Variants in CYP39A1 observed in about 807,000 individuals in gnomAD.
CYP39A1 encodes 24-hydroxycholesterol 7-alpha-hydroxylase.
In CYP39A1, 49 loss-of-function variants were observed where a neutral mutation model predicts 58.1. That is an observed-to-expected ratio of 0.84 (90% CI 0.67 to 1.07). The LOEUF is 1.07. Among genes scored for constraint, CYP39A1 ranks in the 50% least tolerant of loss-of-function variants. The probability of loss-of-function intolerance (pLI) is 0.00; values close to 1 mark genes in which losing one functional copy is unlikely to be tolerated. For synonymous variants in CYP39A1, 209 were observed against 187.6 expected, an observed-to-expected ratio of 1.11 and a Z score of -0.93; for missense variants, 531 against 539.4, an observed-to-expected ratio of 0.98 and a Z score of 0.16.
chr6:46,652,346 G>A (rs1762749575), intron 1 of CYP39A1, 60 bp downstream of exon 1: 2 of 1,503,434 alleles, frequency 1.3e-6, no homozygotes, highest in Admixed American at 2.1e-5. Context: ...GTCAATGAAA[G>A]AAAGTTTAAA....
chr6:46,592,547 T>C (rs1258356426), intron 8 of CYP39A1, among the ~76,000 whole-genome samples: 2 of 152,154 alleles, frequency 1.3e-5, no homozygotes, highest in African/African-American at 2.4e-5. Flanking sequence ...AAGTGAAAAA[T>C]TGGAAGCCAC....
chr6:46,638,394 C>T (rs6941445), intron 3 of CYP39A1, among the ~76,000 whole-genome samples: 4,858 of 152,170 alleles, frequency 0.032, 235 homozygotes, highest in African/African-American at 0.11. Context: ...TCACCAAATT[C>T]CCTAATTTCT....
chr6:46,638,975 G>C (rs1776163016), intron 3 of CYP39A1, among the ~76,000 whole-genome samples: 1 of 152,152 alleles, frequency 6.6e-6, no homozygotes, highest in Non-Finnish European at 1.5e-5. Context: ...CCTTAATAGA[G>C]GACCCTGGGG....
chr6:46,563,984 ATGTAGTGAGTAAGATGG>A (rs1771116885), intron 10 of CYP39A1, among the ~76,000 whole-genome samples: 2 of 152,118 alleles, frequency 1.3e-5, no homozygotes, highest in African/African-American at 4.8e-5. Context: ...ACTCATCTGT[ATGTAGTGAGTAAGATGG>A]ATTGAAATAA....
chr6:46,650,372 G>A (rs1247614434), intron 1 of CYP39A1, among the ~76,000 whole-genome samples: 2 of 86,132 alleles, frequency 2.3e-5, no homozygotes, highest in South Asian at 5.0e-4. Flanking sequence ...CCAAAGGTGG[G>A]AGCACTCTGG....
In CYP39A1 at chr6:46,553,851, C is replaced by A; in HGVS notation, c.1254G>T (p.Trp418Cys). The change falls in exon 11 of 12, where the codon TGG (tryptophan) becomes TGT (cysteine). Residue 418 changes from tryptophan (W) to cysteine (C), a missense_variant. Transcript: ENST00000275016. Reference protein sequence around the residue: ...GSGKFQCPARWFALLEVQMCI... With the variant: ...GSGKFQCPARCFALLEVQMCI... ...ACATCTGAACCTCTAACAGAGCAAA[C>A]CACCTGGAAGAAACGAATAAAATTG... The A allele has an allele frequency of 1.3e-6, 2 of 1,589,108 alleles. No homozygotes were observed. The highest frequency in any genetic ancestry group is 1.1e-5 in the South Asian group (1 of 87,394).
At chr6:46,569,378 A>C (rs1197044475) in intron 10 of CYP39A1, among the ~76,000 whole-genome samples, 1 of 151,908 alleles carries the variant, frequency 6.6e-6, no homozygotes, top group Non-Finnish European at 1.5e-5. Context: ...TTTTTTGCCT[A>C]ATTGCTCTGG....
chr6:46,583,286 T>A, intron 10 of CYP39A1: 1 of 985,350 alleles, frequency 1.0e-6, no homozygotes, highest in Non-Finnish European at 1.2e-6. Flanking sequence ...ATTTGCACAA[T>A]GACACAGCAA....
rs1326215960 is a variant in CYP39A1 at position 46,622,770 on chromosome 6, A to G, written c.931+2648T>C. 2.0e-5 allele frequency among the ~76,000 whole-genome samples: 3 copies of G among 152,310 alleles called. No individual in the cohort carries two copies. In the East Asian group the frequency reaches 5.8e-4, roughly 29 times the overall value. The stretch of plus-strand genomic sequence containing the variant: ...ATTAGTTAGAGGAAGTAGAATAATG[A>G]AAAGCACCACCCAAAATAATTGGGG... On this transcript the variant is annotated intron_variant, in intron 7 of 11. Coordinates refer to ENST00000275016, the MANE Select transcript of CYP39A1 (RefSeq NM_016593.5).
At chr6:46,641,567 G>A (rs1403125610) in intron 2 of CYP39A1, among the ~76,000 whole-genome samples, 2 of 152,114 alleles carry the variant, frequency 1.3e-5, no homozygotes, top group African/African-American at 4.8e-5. Context: ...GCGTTCCAGG[G>A]AGGACACATG....
intron 7 of CYP39A1, among the ~76,000 whole-genome samples, chr6:46,614,675 T>C (rs1774423682): frequency 6.6e-6 from 1 of 152,128 alleles, no homozygotes. Flanking sequence ...ATCATTACAC[T>C]TTCTATATTT....
chr6:46,625,667 T>G (rs1248080058), intron 6 of CYP39A1, among the ~76,000 whole-genome samples, 159 bp from the exon 7 acceptor site: 1 of 152,028 alleles, frequency 6.6e-6, no homozygotes, highest in Non-Finnish European at 1.5e-5. Flanking sequence ...AACTAGATAT[T>G]ATTAATAAGA....
chr6:46,557,933 C>CAAAAAAAAA (rs1186594398), intron 10 of CYP39A1, among the ~76,000 whole-genome samples: 283 of 36,956 alleles, frequency 7.7e-3, no homozygotes, highest in African/African-American at 0.019. Flanking sequence ...GACTCCATCT[C>CAAAAAAAAA]AAAAAAAAAA....
At position 46,616,906 on chromosome 6, in the gene CYP39A1, G is replaced by A. The variant is rs563095869; in HGVS notation, c.931+8512C>T. ...AATACCACAATCTGACAGAGAGAGAGAAAAGAGCCAGTGGAGAAAGAGAAG... is the reference window on the plus strand; with the variant it reads ...AATACCACAATCTGACAGAGAGAGAAAAAAGAGCCAGTGGAGAAAGAGAAG... On this transcript the variant is annotated intron_variant, in intron 7 of 11. Transcript: ENST00000275016. Among the ~76,000 whole-genome samples the A allele has an allele frequency of 9.2e-5, 14 of 152,214 alleles. No individual in the cohort carries two copies. The East Asian group carries it at 2.5e-3, about 27-fold the overall frequency.
At chr6:46,564,804 A>G (rs1472209956) in intron 10 of CYP39A1, among the ~76,000 whole-genome samples, 1 of 152,166 alleles carries the variant, frequency 6.6e-6, no homozygotes, top group Non-Finnish European at 1.5e-5. Flanking sequence ...TCTGAAGTAT[A>G]TTCCTAGTTG....
At chr6:46,582,858 G>C (rs1463428463) in intron 10 of CYP39A1, among the ~76,000 whole-genome samples, 1 of 151,846 alleles carries the variant, frequency 6.6e-6, no homozygotes, top group African/African-American at 2.4e-5. Context: ...ATAACTCCCA[G>C]AACCCTAACC....
Position 46,637,130 on chromosome 6 carries a change from C to A in CYP39A1, c.639-648G>T, listed in dbSNP as rs1776037583. Among the ~76,000 whole-genome samples, 4 of 152,096 alleles carry A rather than the reference C, an allele frequency of 2.6e-5. No homozygotes were observed. The South Asian group carries it at 8.3e-4, about 32-fold the overall frequency. On this transcript the variant is annotated intron_variant, in intron 4 of 11. Transcript: ENST00000275016. ...CAGTGAAAAATTGGGAGTCTGCAAC[C>A]CGGAAGGAGCCCTCACCAGAACATG...
At chr6:46,642,816 A>G (rs1776428155) in intron 1 of CYP39A1, among the ~76,000 whole-genome samples, 1 of 152,146 alleles carries the variant, frequency 6.6e-6, no homozygotes, top group Admixed American at 6.5e-5. Context: ...CAACCTCTCC[A>G]TTCTGACATA....
At chr6:46,613,729 C>A (rs1408246599) in intron 7 of CYP39A1, among the ~76,000 whole-genome samples, 12 of 148,760 alleles carry the variant, frequency 8.1e-5, no homozygotes, top group African/African-American at 2.2e-4. Context: ...AAAGAATGAG[C>A]CTCTATTGAT....
Sources: allele counts gnomAD v4.1 joint callset (sites outside exome capture counted in the v4.1 genomes callset), GRCh38; gene constraint gnomAD v4.1.1; transcripts MANE v1.5; gene names NCBI Gene and HGNC (gene_info 2026-07-23, HGNC 2026-07-21).